RAB40C: variants seen among roughly 807,000 people sequenced by gnomAD.
RAB40C encodes RAB40C, member RAS oncogene family, also known as ras-related protein Rab-40C.
RAB40C carries 8 observed loss-of-function variants against 28.1 expected under a neutral mutation model. The observed-to-expected ratio is 0.28, with a 90% CI of 0.17 to 0.51. The LOEUF (loss-of-function observed/expected upper bound fraction) is 0.51, where lower values mean the gene tolerates loss of function less well. Among genes scored for constraint, RAB40C ranks in the 20% least tolerant of loss-of-function variants. The pLI, the probability that RAB40C is intolerant of heterozygous loss-of-function variation, is 0.97. For synonymous variants in RAB40C, 201 were observed against 171.7 expected (o/e 1.17, Z -1.34); for missense variants, 288 against 405.9 (o/e 0.71, Z 2.50).
chr16:626,285 C>T (rs1003193757), intron 5 of RAB40C, among the ~76,000 whole-genome samples, 164 bp downstream of exon 5: 1 of 152,166 alleles, frequency 6.6e-6, no homozygotes, highest in African/African-American at 2.4e-5. Context: ...TTGGTAAGAG[C>T]AGCCTCGGGG....
intron 3 of RAB40C, among the ~76,000 whole-genome samples, chr16:622,594 G>A (rs971783603): frequency 2.0e-5 from 3 of 152,268 alleles, no homozygotes; most frequent in Middle Eastern, 3.4e-3. Flanking sequence ...TGCAACCTCC[G>A]CCTCCCGGGT....
rs1011373361 is a variant in RAB40C, at chr16:627,751, C to T, written c.*129C>T. The stretch of plus-strand genomic sequence containing the variant: ...GCTGCCTCAGAAGCGCCGGGCTTTC[C>T]TCACACCTGAGCCGGGTGCGAGGAG... On this transcript the variant is annotated 3_prime_UTR_variant, in exon 6 of 6. Transcript: ENST00000248139. 1 of 1,217,222 alleles carries T rather than the reference C, an allele frequency of 8.2e-7. No individual in the cohort carries two copies. Among genetic ancestry groups the T allele is most frequent in the Non-Finnish European group, 1.1e-6 (1 of 904,222 alleles). The allele number at this position is 1,217,222 out of a possible 1,614,324, so 75.4% of individuals were successfully genotyped here.
chr16:616,876 G>A (rs578080716), intron 1 of RAB40C: 12 of 356,346 alleles, frequency 3.4e-5, no homozygotes, highest in South Asian at 3.0e-4. Flanking sequence ...CACCCAGCGC[G>A]GGCCACAGGC....
chr16:595,643 C>T (rs2036101628), intron 1 of RAB40C, among the ~76,000 whole-genome samples: 1 of 147,840 alleles, frequency 6.8e-6, no homozygotes, highest in Non-Finnish European at 1.5e-5. Flanking sequence ...AACTCTGTTG[C>T]CCAGGCCGGA....
intron 1 of RAB40C, among the ~76,000 whole-genome samples, chr16:608,134 A>T (rs2036403109): frequency 6.6e-6 from 1 of 152,176 alleles, no homozygotes; most frequent in African/African-American, 2.4e-5. Flanking sequence ...ACAGTTCCGC[A>T]TGGCTGCAGA....
chr16:627,038 C>T (rs1003057739), intron 5 of RAB40C, among the ~76,000 whole-genome samples: 11 of 152,264 alleles, frequency 7.2e-5, no homozygotes, highest in Admixed American at 7.2e-4. Flanking sequence ...GGCCAGATCA[C>T]GCAGCCCTCA....
At chr16:623,960 A>T in intron 3 of RAB40C, 2 of 985,404 alleles carry the variant, frequency 2.0e-6, no homozygotes, top group South Asian at 9.4e-5. Flanking sequence ...TGCCATCCGC[A>T]GTGCTGGGAC....
At chr16:607,316 G>A (rs1421252425) in intron 1 of RAB40C, among the ~76,000 whole-genome samples, 2 of 151,892 alleles carry the variant, frequency 1.3e-5, no homozygotes, top group East Asian at 1.9e-4. Context: ...GGCCAACATG[G>A]TGAAACCCCA....
chr16:619,565 G>A (rs1243316074), intron 3 of RAB40C, among the ~76,000 whole-genome samples: 1 of 152,222 alleles, frequency 6.6e-6, no homozygotes, highest in South Asian at 2.1e-4. Flanking sequence ...TTCAGTGGGA[G>A]GGATTTGAGC....
At chr16:598,884 C>T (rs1403611630) in intron 1 of RAB40C, among the ~76,000 whole-genome samples, 2 of 152,228 alleles carry the variant, frequency 1.3e-5, no homozygotes, top group African/African-American at 4.8e-5. Context: ...GGCGGTCAAG[C>T]ACAGCACTCT....
At position 629,122 on chromosome 16, in the gene RAB40C, G is replaced by A. The variant is rs1273502143; in HGVS notation, c.*1500G>A. The A allele has an allele frequency of 6.1e-6, 1 of 163,876 alleles. No individual in the cohort carries two copies. Among genetic ancestry groups the A allele is most frequent in the Admixed American group, 5.9e-5 (1 of 17,086 alleles). 10.2% of individuals were successfully genotyped at this position (163,876 alleles called of 1,614,324 possible). The stretch of plus-strand genomic sequence containing the variant: ...TGCTGCCAGCAGGGCCCTTGTTTGG[G>A]ATTATGAACAAACCTCACAGACTTT... On this transcript the variant is annotated 3_prime_UTR_variant, in exon 6 of 6. Transcript: ENST00000248139.
chr16:601,718 A>G (rs543371201), intron 1 of RAB40C, among the ~76,000 whole-genome samples: 4 of 149,922 alleles, frequency 2.7e-5, no homozygotes, highest in East Asian at 4.0e-4. Context: ...GTGCACGCCT[A>G]TAATCCCAGC....
chr16:618,174 GCCCCT>G, intron 2 of RAB40C, 21 bp from the exon 3 acceptor site: 1 of 1,609,050 alleles, frequency 6.2e-7, no homozygotes, highest in Non-Finnish European at 8.5e-7. Flanking sequence ...CACAGTCCCG[GCCCCT>G]CCCCTCCCCG....
At chr16:595,808 G>A (rs927842612) in intron 1 of RAB40C, among the ~76,000 whole-genome samples, 2 of 152,068 alleles carry the variant, frequency 1.3e-5, no homozygotes, top group Non-Finnish European at 2.9e-5. Context: ...TCACTGTGTT[G>A]GCCAGGCTGG....
At position 610,163 on chromosome 16, in the gene RAB40C, G is replaced by A. The variant is rs1404212874; in HGVS notation, c.143-7045G>A. Among the ~76,000 whole-genome samples the A allele has an allele frequency of 6.6e-6, 1 of 152,120 alleles. No homozygotes were observed. Among genetic ancestry groups the A allele is most frequent in the Non-Finnish European group, 1.5e-5 (1 of 68,008 alleles). On this transcript the variant is annotated intron_variant, in intron 1 of 5. Coordinates refer to ENST00000248139, the MANE Select transcript of RAB40C (RefSeq NM_021168.5). The surrounding 1 kb of genome is among the most constrained non-coding windows in gnomAD (Gnocchi z 4.6). The stretch of plus-strand genomic sequence containing the variant: ...TGTGCGGTAGACAGAACCAGCAGCC[G>A]AGGCGCCGGTGGCTTTGCTCTGGTG...
At chr16:623,585 G>A (rs1401113663) in intron 3 of RAB40C, among the ~76,000 whole-genome samples, 5 of 151,302 alleles carry the variant, frequency 3.3e-5, no homozygotes, top group Middle Eastern at 3.4e-3. Flanking sequence ...ACCCGGAAGC[G>A]GAGATCGTGC....
At chr16:608,048 C>G (rs1274262136) in intron 1 of RAB40C, among the ~76,000 whole-genome samples, 1 of 152,104 alleles carries the variant, frequency 6.6e-6, no homozygotes, top group Non-Finnish European at 1.5e-5. Flanking sequence ...CGCCCATGTA[C>G]TCACCTGTTC....
At chr16:599,325 C>T (rs1031561643) in intron 1 of RAB40C, among the ~76,000 whole-genome samples, 1 of 152,244 alleles carries the variant, frequency 6.6e-6, no homozygotes, top group East Asian at 1.9e-4. Flanking sequence ...CTGCCCGTGT[C>T]GGCCGGCCAC....
intron 3 of RAB40C, chr16:624,470 C>T (rs962265929): frequency 3.0e-6 from 3 of 985,484 alleles, no homozygotes; most frequent in Non-Finnish European, 3.6e-6. Flanking sequence ...GCAAGGCCTT[C>T]GCCCTGGGAG....
Sources: gnomAD v4.1 joint callset for allele counts (sites outside exome capture counted in the v4.1 genomes callset) on GRCh38, gnomAD v4.1.1 for gene constraint, Gnocchi (gnomAD v3.1) non-coding constraint, MANE v1.5 for transcripts, NCBI Gene and HGNC (gene_info 2026-07-23, HGNC 2026-07-21) for gene names.